Variants in HPS1 observed in about 807,000 individuals in gnomAD.
HPS1 encodes HPS1 biogenesis of lysosomal organelles complex 3 subunit 1.
HPS1 carries 59 observed loss-of-function variants against 90.6 expected under a neutral mutation model. The observed-to-expected ratio is 0.65, with a 90% CI of 0.53 to 0.81. The LOEUF (loss-of-function observed/expected upper bound fraction) is 0.81. HPS1 is among the 30% of genes least tolerant of loss of function. The pLI, the probability that HPS1 is intolerant of heterozygous loss-of-function variation, is 0.00. For synonymous variants in HPS1, 388 were observed against 384.4 expected, an observed-to-expected ratio of 1.01 and a Z score of -0.11; for missense variants, 849 against 896.7, an observed-to-expected ratio of 0.95 and a Z score of 0.68.
downstream of HPS1, chr10:98,415,023 A>G (rs1843957491): frequency 1.2e-6 from 2 of 1,610,968 alleles, no homozygotes; most frequent in Middle Eastern, 1.7e-4. Flanking sequence ...TCCTATCACC[A>G]CCGCATCATA....
chr10:98,435,167 G>C lies in HPS1; in HGVS notation c.398+105C>G. ...TTCTCTGACCTAGGGACCCAGCTGG[G>C]GGCAGTATGTGAAAAATGGCAGCTT... On this transcript the variant is annotated intron_variant, in intron 5 of 19. Coordinates refer to ENST00000361490, the MANE Select transcript of HPS1 (RefSeq NM_000195.5). This position sits in a 1 kb window ranked among gnomAD's most constrained non-coding sequence, Gnocchi z 4.3. The C allele has an allele frequency of 1.4e-6, 2 of 1,389,780 alleles. No individual in the cohort carries two copies. The highest frequency in any genetic ancestry group is 1.2e-5 in the South Asian group (1 of 85,296). The allele number at this position is 1,389,780 out of a possible 1,614,324, so 86.1% of individuals were successfully genotyped here.
At chr10:98,430,716 G>C (rs1846326121) in intron 7 of HPS1, 46 bp from the exon 8 acceptor site, 15 of 1,478,130 alleles carry the variant, frequency 1.0e-5, no homozygotes, top group Non-Finnish European at 1.4e-5. Flanking sequence ...TGCCCAGCAG[G>C]AGACGGGGCA....
At position 98,427,277 on chromosome 10, in the gene HPS1, G is replaced by C; in HGVS notation, c.938-13C>G. On this transcript the variant is annotated splice_polypyrimidine_tract_variant and intron_variant, in intron 10 of 19. Coordinates refer to ENST00000361490, the MANE Select transcript of HPS1 (RefSeq NM_000195.5). ...CAGATGGTGCTACCTGCAGGCCACA[G>C]GTAATAACATAACGATGTAAGTACC... 1 of 1,549,374 alleles carries C rather than the reference G, an allele frequency of 6.5e-7. No homozygotes were observed. The highest frequency in any genetic ancestry group is 8.7e-7 in the Non-Finnish European group (1 of 1,145,084).
At chr10:98,430,487 G>T in intron 8 of HPS1, 84 bp downstream of exon 8, 1 of 1,036,574 alleles carries the variant, frequency 9.6e-7, no homozygotes, top group Non-Finnish European at 1.5e-6. Flanking sequence ...GAGTCCCCAG[G>T]GGGAGCCTGC....
intron 5 of HPS1, among the ~76,000 whole-genome samples, chr10:98,434,701 C>T (rs137958486): frequency 1.8e-4 from 27 of 152,120 alleles, no homozygotes; most frequent in Non-Finnish European, 3.5e-4. Context: ...GGTGATACTA[C>T]GAACTTCTCT....
downstream of HPS1, chr10:98,414,964 T>C (rs2147900): frequency 0.3 from 472,916 of 1,595,220 alleles, 76,453 homozygotes; most frequent in African/African-American, 0.53. Flanking sequence ...AGCAGGGCTG[T>C]CTTCCCGCCC....
intron 10 of HPS1, among the ~76,000 whole-genome samples, chr10:98,428,843 G>T (rs1170059155): frequency 4.0e-5 from 6 of 149,398 alleles, no homozygotes; most frequent in South Asian, 4.3e-4. Context: ...TTGTAGTTTT[G>T]TTTTGTTTTT....
intron 3 of HPS1, among the ~76,000 whole-genome samples, chr10:98,440,482 T>C (rs1196090899): frequency 6.6e-6 from 1 of 151,974 alleles, no homozygotes; most frequent in Non-Finnish European, 1.5e-5. Context: ...CTGAGACTAT[T>C]TAAAAAAATA....
At chr10:98,423,973 G>A (rs1845255014) in intron 14 of HPS1, 86 bp from the exon 15 acceptor site, 1 of 1,553,590 alleles carries the variant, frequency 6.4e-7, no homozygotes, top group Non-Finnish European at 8.8e-7. Context: ...CCTGCACCCA[G>A]GACAGACAGA....
Position 98,435,191 on chromosome 10 carries a change from T to G in HPS1, c.398+81A>C. 1.9e-6 allele frequency: 3 copies of G among 1,582,446 alleles called. No individual in the cohort carries two copies. In the South Asian group the frequency reaches 3.3e-5, roughly 18 times the overall value. ...GGGGCAGTATGTGAAAAATGGCAGC[T>G]TCACAGGGGCTGGGCACACGCTGCC... is the stretch of plus-strand genomic sequence containing the variant. On this transcript the variant is annotated intron_variant, in intron 5 of 19. Transcript: ENST00000361490. This position sits in a 1 kb window ranked among gnomAD's most constrained non-coding sequence, Gnocchi z 4.3.
rs374187703 is a variant in HPS1 at position 98,418,116 on chromosome 10, C to T, written c.1940+59G>A. 170 of 1,139,534 alleles carry T rather than the reference C, an allele frequency of 1.5e-4. 1 individual carries two copies. The African/African-American group carries it at 1.8e-3, about 12-fold the overall frequency. The allele number at this position is 1,139,534 out of a possible 1,614,324, so 70.6% of individuals were successfully genotyped here. A position where few individuals can be genotyped will look rare whatever the true frequency, so the allele number is the denominator to read the frequency against. The stretch of plus-strand genomic sequence containing the variant: ...AAGCAGAAGCTGCTCCCGGCAGAGG[C>T]GAGCACTTATCACCCAAATGGGGGC... On this transcript the variant is annotated intron_variant, in intron 19 of 19. Transcript: ENST00000361490.
chr10:98,423,745 G>A lies in HPS1; in HGVS notation c.1532+8C>T, dbSNP rs200700816. The A allele has an allele frequency of 1.9e-6, 3 of 1,614,116 alleles. No individual in the cohort carries two copies. Among genetic ancestry groups the A allele is most frequent in the East Asian group, 2.2e-5 (1 of 44,882 alleles). On this transcript the variant is annotated splice_region_variant and intron_variant, in intron 15 of 19. Transcript: ENST00000361490. ...CCCTGGCCACCCAGGGGGCCGCACT[G>A]CACTTACCGCATGAGCCTCTGCACT...
chr10:98,439,045 G>A (rs558857422), intron 3 of HPS1, among the ~76,000 whole-genome samples: 6 of 152,304 alleles, frequency 3.9e-5, no homozygotes, highest in South Asian at 2.1e-4. Flanking sequence ...TTGGGCCCAC[G>A]GGTGCACATA....
At position 98,430,961 on chromosome 10, in the gene HPS1, C is replaced by T. The variant is rs77840073; in HGVS notation, c.668+170G>A. Among the ~76,000 whole-genome samples the T allele has an allele frequency of 6.6e-3, 1,005 of 152,236 alleles. 16 individuals are homozygous for T. The East Asian group carries it at 0.082, about 12-fold the overall frequency. ...GACAGTGTTCCAGGAAGGAATGATA[C>T]AGAGAAATGGGTGAGCTGAAAAAGG... On this transcript the variant is annotated intron_variant, in intron 7 of 19. Transcript: ENST00000361490.
chr10:98,415,082 C>A (rs561613363), downstream of HPS1: 1 of 1,614,078 alleles, frequency 6.2e-7, no homozygotes, highest in Non-Finnish European at 8.5e-7. Flanking sequence ...GTCTCCACGC[C>A]GGGAAGGGAG....
chr10:98,435,163 C>G lies in HPS1; in HGVS notation c.398+109G>C. 7.4e-7 allele frequency: 1 copy of G among 1,358,904 alleles called. No homozygotes were observed. Among genetic ancestry groups the G allele is most frequent in the Non-Finnish European group, 1.0e-6 (1 of 954,020 alleles). The allele number at this position is 1,358,904 out of a possible 1,614,324, so 84.2% of individuals were successfully genotyped here. On this transcript the variant is annotated intron_variant, in intron 5 of 19. Coordinates refer to ENST00000361490, the MANE Select transcript of HPS1 (RefSeq NM_000195.5). The surrounding 1 kb of genome is among the most constrained non-coding windows in gnomAD (Gnocchi z 4.3). ...CTGTTTCTCTGACCTAGGGACCCAG[C>G]TGGGGGCAGTATGTGAAAAATGGCA...
intron 6 of HPS1, among the ~76,000 whole-genome samples, chr10:98,432,550 C>T (rs1160699479): frequency 6.6e-6 from 1 of 152,178 alleles, no homozygotes; most frequent in Non-Finnish European, 1.5e-5. Context: ...GTCTCATCTG[C>T]TATTTAACAC....
chr10:98,432,769 G>A (rs1306595251), intron 6 of HPS1, among the ~76,000 whole-genome samples: 1 of 152,096 alleles, frequency 6.6e-6, no homozygotes, highest in African/African-American at 2.4e-5. Flanking sequence ...AAATCTGTTG[G>A]TGATTGATTT....
At chr10:98,432,125 C>A (rs142822096) in intron 6 of HPS1, among the ~76,000 whole-genome samples, 4 of 152,302 alleles carry the variant, frequency 2.6e-5, no homozygotes, top group East Asian at 3.9e-4. Flanking sequence ...TAAGCGTGGA[C>A]AAGAGAGGCA....
Sources: allele counts gnomAD v4.1 joint callset (sites outside exome capture counted in the v4.1 genomes callset), GRCh38; gene constraint gnomAD v4.1.1; non-coding constraint Gnocchi (gnomAD v3.1); transcripts MANE v1.5; gene names NCBI Gene and HGNC (gene_info 2026-07-23, HGNC 2026-07-21).